The following FRMPD2 variants were observed in gnomAD, a reference collection of about 807,000 sequenced individuals.
FRMPD2 encodes FERM and PDZ domain-containing protein 2.
In FRMPD2, 96 loss-of-function variants were observed where a neutral mutation model predicts 140.1. The ratio of observed to expected loss-of-function variants is 0.69; its 90% CI spans 0.58 to 0.81. The LOEUF (loss-of-function observed/expected upper bound fraction) is 0.81. FRMPD2 is among the 40% of genes least tolerant of loss of function. FRMPD2 has a pLI of 0.00. For missense variants in FRMPD2, 1,240 were observed against 1,447.4 expected, an observed-to-expected ratio of 0.86 and a Z score of 2.32; for synonymous variants, 449 against 547.6, an observed-to-expected ratio of 0.82 and a Z score of 2.52.
At chr10:48,246,983 C>G (rs1351418953) in intron 3 of FRMPD2, among the ~76,000 whole-genome samples, 1 of 152,220 alleles carries the variant, frequency 6.6e-6, no homozygotes, top group Admixed American at 6.5e-5. Context: ...CTTCATATGC[C>G]TAGAGCGCTA....
chr10:48,249,201 G>A (rs937464264), intron 2 of FRMPD2, 23 bp from the exon 3 acceptor site: 1 of 1,609,496 alleles, frequency 6.2e-7, no homozygotes, highest in African/African-American at 1.3e-5. Flanking sequence ...CAGTGATGGG[G>A]CTGTAGAGAC....
intron 10 of FRMPD2, among the ~76,000 whole-genome samples, chr10:48,225,598 G>C (rs905819957): frequency 6.6e-6 from 1 of 152,186 alleles, no homozygotes; most frequent in Admixed American, 6.5e-5. Flanking sequence ...TGCACCTGTA[G>C]TCCTCTAGAA....
chr10:48,248,901 TGGC>T, intron 3 of FRMPD2, 117 bp downstream of exon 3: 2 of 782,400 alleles, frequency 2.6e-6, no homozygotes, highest in Non-Finnish European at 3.9e-6. Context: ...AAACCCACTC[TGGC>T]TTGGTGTTGA....
chr10:48,255,143 C>T (rs188828536), intron 1 of FRMPD2, among the ~76,000 whole-genome samples: 1 of 152,174 alleles, frequency 6.6e-6, no homozygotes, highest in African/African-American at 2.4e-5. Context: ...ATCTCACCTA[C>T]ATAGACTGAC....
chr10:48,258,998 AGACTG>A (rs1840533798), intron 1 of FRMPD2, among the ~76,000 whole-genome samples: 1 of 152,254 alleles, frequency 6.6e-6, no homozygotes, highest in Admixed American at 6.5e-5. Flanking sequence ...ATTTCTGAGC[AGACTG>A]TCTTCTTGAC....
At chr10:48,220,105 A>C (rs1588837416) in intron 12 of FRMPD2, among the ~76,000 whole-genome samples, 1 of 152,354 alleles carries the variant, frequency 6.6e-6, no homozygotes, top group South Asian at 2.1e-4. Flanking sequence ...TGATCTTTTA[A>C]TAAAGGTTGG....
intron 14 of FRMPD2, among the ~76,000 whole-genome samples, chr10:48,203,144 A>C (rs943062788): frequency 1.3e-5 from 2 of 152,144 alleles, no homozygotes; most frequent in Non-Finnish European, 2.9e-5. Context: ...AACAAATCTG[A>C]AAAGGGAGAA....
At chr10:48,186,691 C>T (rs899299561) in intron 17 of FRMPD2, among the ~76,000 whole-genome samples, 3 of 152,192 alleles carry the variant, frequency 2.0e-5, no homozygotes, top group Non-Finnish European at 4.4e-5. Flanking sequence ...TTATCAGCAG[C>T]GTGAAAACGC....
chr10:48,190,843 C>T (rs1486663351), intron 16 of FRMPD2, among the ~76,000 whole-genome samples: 1 of 152,218 alleles, frequency 6.6e-6, no homozygotes, highest in Non-Finnish European at 1.5e-5. Context: ...ACTGGCCAGT[C>T]GCTGGAAGGG....
intron 16 of FRMPD2, among the ~76,000 whole-genome samples, chr10:48,190,110 T>C (rs1293911047): frequency 6.6e-6 from 1 of 152,236 alleles, no homozygotes; most frequent in Non-Finnish European, 1.5e-5. Context: ...GAATGGCCTC[T>C]GTACCATGAC....
At chr10:48,235,439 T>C (rs1162463205) in intron 9 of FRMPD2, among the ~76,000 whole-genome samples, 1 of 152,204 alleles carries the variant, frequency 6.6e-6, no homozygotes, top group East Asian at 1.9e-4. Context: ...GAGGAAATGA[T>C]GTCAGTGCAC....
At chr10:48,200,189 T>TAAAAA (rs1282575889) in intron 15 of FRMPD2, among the ~76,000 whole-genome samples, 19 of 137,702 alleles carry the variant, frequency 1.4e-4, no homozygotes, top group Non-Finnish European at 2.6e-4. Flanking sequence ...AATAAATAAA[T>TAAAAA]AAATAAATAA....
chr10:48,249,696 C>T (rs897609752), intron 2 of FRMPD2, among the ~76,000 whole-genome samples: 11 of 152,218 alleles, frequency 7.2e-5, no homozygotes, highest in African/African-American at 2.7e-4. Flanking sequence ...AGCCCCCAAG[C>T]ACGTGTGACC....
intron 12 of FRMPD2, among the ~76,000 whole-genome samples, chr10:48,214,739 A>G (rs1394178311): frequency 6.6e-6 from 1 of 152,220 alleles, no homozygotes; most frequent in Non-Finnish European, 1.5e-5. Context: ...TGGCATTTAT[A>G]AAACAGAAAA....
At chr10:48,215,592 A>G (rs1272221487) in intron 12 of FRMPD2, among the ~76,000 whole-genome samples, 1 of 152,226 alleles carries the variant, frequency 6.6e-6, no homozygotes, top group East Asian at 1.9e-4. Flanking sequence ...GGGTTTGTGT[A>G]AACCTGTTGG....
At position 48,259,635 on chromosome 10, in the gene FRMPD2, A is replaced by AGTGTGT. The variant is rs144847579; in HGVS notation, c.26-7950_26-7945dup. ...AGTAGTACATGAATGTGTGTGTGTA[A>AGTGTGT]GTGTGTGTGTGTGTGTGTGTGTGAG... On this transcript the variant is annotated intron_variant, in intron 1 of 28. Transcript: ENST00000374201. Among the ~76,000 whole-genome samples the AGTGTGT allele has an allele frequency of 1.2e-3, 185 of 148,502 alleles. 1 individual carries two copies. Among genetic ancestry groups the AGTGTGT allele is most frequent in the African/African-American group, 4.4e-3 (178 of 40,796 alleles).
At chr10:48,222,041 A>G (rs1434637828) in intron 12 of FRMPD2, among the ~76,000 whole-genome samples, 3 of 133,942 alleles carry the variant, frequency 2.2e-5, no homozygotes, top group Non-Finnish European at 3.2e-5. Flanking sequence ...TGGATATATG[A>G]ATAGGTAGGT....
Position 48,223,374 on chromosome 10 carries a change from G to T in FRMPD2, c.1169-104C>A, listed in dbSNP as rs562736878. 314 of 1,151,222 alleles carry T rather than the reference G, an allele frequency of 2.7e-4. 13 individuals carry two copies. The South Asian group carries it at 4.9e-3, about 18-fold the overall frequency. 71.3% of individuals were successfully genotyped at this position (1,151,222 alleles called of 1,614,324 possible). A position where few individuals can be genotyped will look rare whatever the true frequency, so the allele number is the denominator to read the frequency against. On this transcript the variant is annotated intron_variant, in intron 10 of 28. Coordinates refer to ENST00000374201, the MANE Select transcript of FRMPD2 (RefSeq NM_001018071.4). ...TACCCAGAGTGTCACACACGAGCTG[G>T]GTGAGTGCAGGAGTGGGAGGTAAGT...
At chr10:48,184,971 C>A in intron 18 of FRMPD2, 90 bp from the exon 19 acceptor site, 1 of 867,646 alleles carries the variant, frequency 1.2e-6, no homozygotes, top group South Asian at 1.7e-5. Context: ...TATCACACAG[C>A]TACCAAGTGG....
Sources: gnomAD v4.1 joint callset for allele counts (sites outside exome capture counted in the v4.1 genomes callset) on GRCh38, gnomAD v4.1.1 for gene constraint, MANE v1.5 for transcripts, NCBI Gene and HGNC (gene_info 2026-07-23, HGNC 2026-07-21) for gene names.